The following NFASC variants were observed in gnomAD, a reference collection of about 807,000 sequenced individuals.
NFASC encodes neurofascin homolog.
A neutral mutation model predicts 147.5 loss-of-function variants in NFASC; 43 were observed. The ratio of observed to expected loss-of-function variants is 0.29; its 90% CI spans 0.23 to 0.38. The LOEUF (loss-of-function observed/expected upper bound fraction) is 0.38. Among genes scored for constraint, NFASC ranks in the 10% least tolerant of loss-of-function variants. The probability of loss-of-function intolerance (pLI) is 1.00; values close to 1 mark genes in which losing one functional copy is unlikely to be tolerated. For synonymous variants in NFASC, 622 were observed against 665.5 expected, an observed-to-expected ratio of 0.93 and a Z score of 1.01; for missense variants, 1,320 against 1,689.0, an observed-to-expected ratio of 0.78 and a Z score of 3.83.
Position 204,975,175 on chromosome 1 carries a change from C to T in NFASC, c.1559-96C>T, listed in dbSNP as rs898922411. 1 of 1,410,222 alleles carries T rather than the reference C, an allele frequency of 7.1e-7. No individual in the cohort carries two copies. The highest frequency in any genetic ancestry group is 2.2e-5 in the Admixed American group (1 of 46,228). 87.4% of individuals were successfully genotyped at this position (1,410,222 alleles called of 1,614,324 possible). On this transcript the variant is annotated intron_variant, in intron 14 of 29. Transcript: ENST00000339876. This position sits in a 1 kb window ranked among gnomAD's most constrained non-coding sequence, Gnocchi z 4.0. ...GTTTGTGCCCCACTCCATAGTTGGC[C>T]CAAGGCCTCGAGGGCAGACATATGC...
At chr1:204,915,521 C>T (rs947758985) in intron 1 of NFASC, among the ~76,000 whole-genome samples, 8 of 151,986 alleles carry the variant, frequency 5.3e-5, no homozygotes, top group Non-Finnish European at 1.0e-4. Context: ...GGAAGCTGTG[C>T]GACAGGTTTG....
chr1:204,958,491 T>C (rs867603732), intron 8 of NFASC, among the ~76,000 whole-genome samples: 1 of 152,206 alleles, frequency 6.6e-6, no homozygotes, highest in South Asian at 2.1e-4. Context: ...ATTATAGTGT[T>C]GGTGGCTCTC....
intron 1 of NFASC, among the ~76,000 whole-genome samples, chr1:204,888,464 C>A (rs1212173439): frequency 3.3e-5 from 5 of 152,088 alleles, no homozygotes; most frequent in African/African-American, 1.2e-4. Context: ...GAACAAAAAG[C>A]AGATTGGTCA....
chr1:205,009,921 G>C (rs1354697378), intron 28 of NFASC: 1 of 556,864 alleles, frequency 1.8e-6, no homozygotes, highest in Admixed American at 3.1e-5. Flanking sequence ...TCAGAGAGGG[G>C]ATGGAAGGAA....
chr1:204,872,823 C>T (rs2103038047), intron 1 of NFASC, among the ~76,000 whole-genome samples: 1 of 152,320 alleles, frequency 6.6e-6, no homozygotes, highest in East Asian at 1.9e-4. Flanking sequence ...TGAGAGCCTT[C>T]TCCATGGTAG....
intron 27 of NFASC, among the ~76,000 whole-genome samples, chr1:205,007,821 G>T (rs2096157013): frequency 6.6e-6 from 1 of 152,190 alleles, no homozygotes; most frequent in African/African-American, 2.4e-5. Context: ...AGCCCGACAG[G>T]TCAGGATAAG....
intron 1 of NFASC, among the ~76,000 whole-genome samples, chr1:204,918,291 A>G (rs951511689): frequency 6.6e-6 from 1 of 152,208 alleles, no homozygotes; most frequent in Non-Finnish European, 1.5e-5. Flanking sequence ...CACAGGCCAC[A>G]TGCAGTCCAG....
chr1:204,946,356 C>A (rs1221672264), intron 3 of NFASC: 2 of 510,444 alleles, frequency 3.9e-6, no homozygotes, highest in Non-Finnish European at 7.8e-6. Context: ...GGGTTAGAGA[C>A]AAGGAAGCGA....
At chr1:204,957,895 G>A (rs1273180729) in intron 8 of NFASC, 69 bp downstream of exon 8, 1 of 1,458,940 alleles carries the variant, frequency 6.9e-7, no homozygotes, top group Non-Finnish European at 9.6e-7. Context: ...CCCAGCCCTA[G>A]GTACCTGAGT....
At chr1:204,888,066 A>G (rs1484674013) in intron 1 of NFASC, among the ~76,000 whole-genome samples, 2 of 152,196 alleles carry the variant, frequency 1.3e-5, no homozygotes, top group African/African-American at 2.4e-5. Context: ...TTCACAGTTC[A>G]TGGCCGGAGG....
intron 1 of NFASC, among the ~76,000 whole-genome samples, chr1:204,884,845 T>C (rs1190712782): frequency 1.3e-5 from 2 of 151,848 alleles, no homozygotes; most frequent in African/African-American, 4.8e-5. Context: ...CTATGGGAAA[T>C]AAAGAGAGTG....
At chr1:204,856,630 C>T (rs2076184811) in intron 1 of NFASC, among the ~76,000 whole-genome samples, 1 of 152,122 alleles carries the variant, frequency 6.6e-6, no homozygotes, top group East Asian at 1.9e-4. Context: ...ACTTTTTCTT[C>T]ATCCCAGAAG....
intron 1 of NFASC, among the ~76,000 whole-genome samples, chr1:204,879,474 T>C (rs1325787281): frequency 6.6e-6 from 1 of 152,134 alleles, no homozygotes; most frequent in Non-Finnish European, 1.5e-5. Context: ...TCTGCTGCTG[T>C]CTGTGCAGGG....
chr1:204,879,079 G>C (rs2079600512), intron 1 of NFASC, among the ~76,000 whole-genome samples: 1 of 152,186 alleles, frequency 6.6e-6, no homozygotes, highest in Non-Finnish European at 1.5e-5. Context: ...CTAATCTGAG[G>C]ACAGAAGTAG....
intron 1 of NFASC, among the ~76,000 whole-genome samples, chr1:204,897,354 TAGC>T (rs957040879): frequency 3.9e-5 from 6 of 152,088 alleles, no homozygotes; most frequent in African/African-American, 1.4e-4. Context: ...GTGATAGTGA[TAGC>T]AGAGCAGAGG....
chr1:204,909,446 A>T (rs1448689403), intron 1 of NFASC, among the ~76,000 whole-genome samples: 1 of 152,064 alleles, frequency 6.6e-6, no homozygotes, highest in Non-Finnish European at 1.5e-5. Context: ...TTCTAGTTGG[A>T]TTATTTGTGC....
At chr1:204,969,886 GC>G (rs1573923056) in intron 10 of NFASC, among the ~76,000 whole-genome samples, 1 of 151,356 alleles carries the variant, frequency 6.6e-6, no homozygotes, top group East Asian at 1.9e-4. Flanking sequence ...GACCATCCTG[GC>G]CAAAATGATG....
At position 205,020,331 on chromosome 1, in the gene NFASC, T is replaced by C. The variant is rs564390018; in HGVS notation, c.*3792T>C. 1.3e-5 allele frequency: 2 copies of C among 152,480 alleles called. No homozygotes were observed. The highest frequency in any genetic ancestry group is 1.3e-4 in the Admixed American group (2 of 15,298). The allele number at this position is 152,480 out of a possible 1,614,324, so 9.4% of individuals were successfully genotyped here. Reference sequence around the variant, plus strand: ...CCCTGCCACACCCAGTGCCCACGCATGCTCACATACATACAGCAGACCACA... The same window carrying C: ...CCCTGCCACACCCAGTGCCCACGCACGCTCACATACATACAGCAGACCACA... On this transcript the variant is annotated 3_prime_UTR_variant, in exon 30 of 30. Transcript: ENST00000339876.
intron 8 of NFASC, among the ~76,000 whole-genome samples, chr1:204,964,745 T>C (rs2094856375): frequency 6.6e-6 from 1 of 152,116 alleles, no homozygotes; most frequent in African/African-American, 2.4e-5. Flanking sequence ...AGCAGCAAAG[T>C]GGTCTGGATG....
Sources: gnomAD v4.1 joint callset for allele counts (sites outside exome capture counted in the v4.1 genomes callset) on GRCh38, gnomAD v4.1.1 for gene constraint, Gnocchi (gnomAD v3.1) non-coding constraint, MANE v1.5 for transcripts, NCBI Gene and HGNC (gene_info 2026-07-23, HGNC 2026-07-21) for gene names.